Variants in AVL9 observed in about 807,000 individuals in gnomAD.
AVL9 encodes the protein late secretory pathway protein AVL9 homolog.
A neutral mutation model predicts 79.2 loss-of-function variants in AVL9; 49 were observed. The observed-to-expected ratio is 0.62, with a 90% CI of 0.49 to 0.79. The LOEUF is 0.79. AVL9 is among the 30% of genes least tolerant of loss of function. The probability of loss-of-function intolerance (pLI) is 0.00; values close to 1 mark genes in which losing one functional copy is unlikely to be tolerated. For synonymous variants in AVL9, 299 were observed against 280.6 expected (o/e 1.07, Z -0.65); for missense variants, 682 against 776.8 (o/e 0.88, Z 1.45).
intron 1 of AVL9, among the ~76,000 whole-genome samples, chr7:32,510,128 T>C (rs993768026): frequency 1.3e-5 from 2 of 151,118 alleles, no homozygotes; most frequent in Non-Finnish European, 2.9e-5. Context: ...AGCCATCAGG[T>C]CTGGTGGTGG....
rs76225356 is a variant in AVL9, at chr7:32,566,926, G to A, written c.1216-3094G>A. On this transcript the variant is annotated intron_variant, in intron 10 of 15. Transcript: ENST00000318709. ...TGTGACTTTTAGTGTTTGAGAGATAGGGAAGATTATTTCAAGTATTGTTCT... is the reference window on the plus strand; with the variant it reads ...TGTGACTTTTAGTGTTTGAGAGATAAGGAAGATTATTTCAAGTATTGTTCT... 2.5e-4 allele frequency among the ~76,000 whole-genome samples: 38 copies of A among 152,314 alleles called. No homozygotes were observed. The East Asian group carries it at 5.8e-3, about 23-fold the overall frequency.
chr7:32,538,486 GTAAA>G (rs1018648457), intron 1 of AVL9: 4 of 152,174 alleles, frequency 2.6e-5, no homozygotes, highest in African/African-American at 9.7e-5. Context: ...AATGCAGTTG[GTAAA>G]TAAAGATGAA....
At position 32,495,666 on chromosome 7, in the gene AVL9, C is replaced by T. The variant is rs1195153386; in HGVS notation, c.-44C>T. The T allele has an allele frequency of 1.6e-6, 2 of 1,223,200 alleles. No individual in the cohort carries two copies. Among genetic ancestry groups the T allele is most frequent in the Non-Finnish European group, 2.1e-6 (2 of 962,624 alleles). The allele number at this position is 1,223,200 out of a possible 1,614,324, so 75.8% of individuals were successfully genotyped here. On this transcript the variant is annotated 5_prime_UTR_variant, in exon 1 of 16. Transcript: ENST00000318709. The stretch of plus-strand genomic sequence containing the variant: ...CACGGTGGGGTCGTCAGACCCGCTG[C>T]CCTTGGCGGTCGAAGTCGTCGTGCG...
At chr7:32,515,195 GTACGT>G (rs1787855479) in intron 1 of AVL9, among the ~76,000 whole-genome samples, 1 of 152,180 alleles carries the variant, frequency 6.6e-6, no homozygotes, top group Non-Finnish European at 1.5e-5. Flanking sequence ...TGTGTCACAG[GTACGT>G]CTTTAACCTC....
intron 13 of AVL9, among the ~76,000 whole-genome samples, chr7:32,576,321 G>A (rs918964028): frequency 1.1e-4 from 16 of 152,256 alleles, no homozygotes; most frequent in Middle Eastern, 6.8e-3. Context: ...ATTCAGAGAG[G>A]AAGTCCCTGG....
chr7:32,573,477 CA>C, intron 12 of AVL9, 59 bp downstream of exon 12: 2 of 1,459,122 alleles, frequency 1.4e-6, no homozygotes, highest in Non-Finnish European at 1.9e-6. Context: ...CATTTTGTAA[CA>C]TTTATGAGAT....
intron 15 of AVL9, chr7:32,581,193 T>C (rs924319966): frequency 1.1e-5 from 3 of 272,468 alleles, no homozygotes; most frequent in Admixed American, 5.1e-5. Flanking sequence ...TCTTTATAAA[T>C]GGCAGAGACT....
intron 10 of AVL9, among the ~76,000 whole-genome samples, chr7:32,567,943 C>T (rs1790655152): frequency 6.6e-6 from 1 of 152,010 alleles, no homozygotes; most frequent in South Asian, 2.1e-4. Context: ...TGGTCTCAAA[C>T]TCCTGAACTC....
chr7:32,535,930 C>A (rs1200804328), intron 1 of AVL9: 1 of 152,160 alleles, frequency 6.6e-6, no homozygotes, highest in Non-Finnish European at 1.5e-5. Context: ...TCTGGCATTT[C>A]CCCTGCTTGC....
At chr7:32,501,795 T>C (rs1401551493) in intron 1 of AVL9, among the ~76,000 whole-genome samples, 1 of 152,170 alleles carries the variant, frequency 6.6e-6, no homozygotes, top group Non-Finnish European at 1.5e-5. Context: ...TTCATGTCAT[T>C]GATATGATTC....
At chr7:32,505,081 C>G (rs1362783088) in intron 1 of AVL9, among the ~76,000 whole-genome samples, 1 of 149,388 alleles carries the variant, frequency 6.7e-6, no homozygotes, top group Non-Finnish European at 1.5e-5. Flanking sequence ...ACCATGTTGG[C>G]CAGGCTGGTC....
At chr7:32,568,196 T>C (rs940924683) in intron 10 of AVL9, among the ~76,000 whole-genome samples, 10 of 134,310 alleles carry the variant, frequency 7.4e-5, no homozygotes, top group Admixed American at 7.2e-5. Context: ...CATATTCTTT[T>C]ATTTATTTAT....
chr7:32,541,672 C>G (rs1445495223), intron 1 of AVL9, among the ~76,000 whole-genome samples: 1 of 150,966 alleles, frequency 6.6e-6, no homozygotes. Context: ...AGAGAAGATA[C>G]AGAGAAATGT....
At chr7:32,498,305 G>A (rs1341289633) in intron 1 of AVL9, among the ~76,000 whole-genome samples, 1 of 138,306 alleles carries the variant, frequency 7.2e-6, no homozygotes, top group Non-Finnish European at 1.5e-5. Context: ...GTTCAGTGCA[G>A]TGGCGCGATC....
In AVL9 at chr7:32,577,416, CA is replaced by C. The variant is rs1791153311; in HGVS notation, c.1688+1345del. Among the ~76,000 whole-genome samples the C allele has an allele frequency of 2.0e-5, 3 of 152,304 alleles. No individual in the cohort carries two copies. In the South Asian group the frequency reaches 6.2e-4, roughly 32 times the overall value. ...TAAAAACAGAATTAAAAGGCAAAAC[CA>C]TTTTAATAGTATTAAATGAAAGGGC... On this transcript the variant is annotated intron_variant, in intron 13 of 15. Coordinates refer to ENST00000318709, the MANE Select transcript of AVL9 (RefSeq NM_015060.3).
At chr7:32,505,454 C>T (rs145677375) in intron 1 of AVL9, among the ~76,000 whole-genome samples, 2,372 of 151,206 alleles carry the variant, frequency 0.016, 75 homozygotes, top group African/African-American at 0.054. Flanking sequence ...AACCGGAAGG[C>T]GGAGGTTGCA....
intron 10 of AVL9, 100 bp from the exon 11 acceptor site, chr7:32,569,920 A>G: frequency 8.6e-7 from 1 of 1,159,374 alleles, no homozygotes. Context: ...CAGGGCAAGG[A>G]AGAATGGAAG....
intron 13 of AVL9, among the ~76,000 whole-genome samples, chr7:32,579,516 ATTATATATT>A (rs1791345884): frequency 4.9e-4 from 2 of 4,066 alleles, no homozygotes; most frequent in African/African-American, 1.9e-3. Context: ...TATATATTAT[ATTATATATT>A]ATATATTATA....
At chr7:32,497,530 A>C (rs993908904) in intron 1 of AVL9, among the ~76,000 whole-genome samples, 1 of 152,174 alleles carries the variant, frequency 6.6e-6, no homozygotes, top group Non-Finnish European at 1.5e-5. Context: ...TCCAGGTGTA[A>C]ATTAAAGGTG....
Sources: allele counts gnomAD v4.1 joint callset (sites outside exome capture counted in the v4.1 genomes callset), GRCh38; gene constraint gnomAD v4.1.1; transcripts MANE v1.5; gene names NCBI Gene and HGNC (gene_info 2026-07-23, HGNC 2026-07-21).